The following ARMC2 variants were observed in gnomAD, a reference collection of about 807,000 sequenced individuals.
ARMC2 encodes armadillo repeat containing 2, also known as armadillo repeat-containing protein 2.
ARMC2 carries 67 observed loss-of-function variants against 90.3 expected under a neutral mutation model. The observed-to-expected ratio is 0.74, with a 90% confidence interval of 0.61 to 0.91. ARMC2 has a LOEUF of 0.91. ARMC2 is among the 40% of genes least tolerant of loss of function. ARMC2 has a pLI of 0.00. For synonymous variants in ARMC2, 393 were observed against 393.0 expected (o/e 1.00, Z 0.00); for missense variants, 920 against 1,030.9 (o/e 0.89, Z 1.47).
the ARMC2 span, chr6:109,002,488 C>A: frequency 1.6e-6 from 1 of 620,446 alleles, no homozygotes; most frequent in Non-Finnish European, 2.9e-6. Flanking sequence ...TACATACCAA[C>A]TCTTCTGTTA....
chr6:108,867,516 C>A (rs912660907), intron 3 of ARMC2, among the ~76,000 whole-genome samples: 1 of 152,174 alleles, frequency 6.6e-6, no homozygotes, highest in South Asian at 2.1e-4. Flanking sequence ...GCTGTAATCC[C>A]AGCACTTTGG....
the ARMC2 span, among the ~76,000 whole-genome samples, chr6:109,041,296 T>A: frequency 2.6e-5 from 4 of 151,954 alleles, no homozygotes; most frequent in African/African-American, 9.7e-5. Flanking sequence ...AGTGAGACTC[T>A]GTCTCAAAAA....
the ARMC2 span, among the ~76,000 whole-genome samples, chr6:108,991,200 C>A: frequency 6.6e-6 from 1 of 151,936 alleles, no homozygotes; most frequent in Non-Finnish European, 1.5e-5. Flanking sequence ...TCCATTGCTG[C>A]AGCCATTCAA....
Position 108,877,586 on chromosome 6 carries a change from G to A in ARMC2, c.671+1236G>A, listed in dbSNP as rs570312600. ...TCCAGTTGGTGAATAAGAATAGGCT[G>A]TGGACCTCAGAGCTTAAACATAAAA... On this transcript the variant is annotated intron_variant, in intron 5 of 17. Coordinates refer to ENST00000392644, the MANE Select transcript of ARMC2 (RefSeq NM_032131.6). Among the ~76,000 whole-genome samples, 3 of 152,318 alleles carry A rather than the reference G, an allele frequency of 2.0e-5. No homozygotes were observed. In the South Asian group the frequency reaches 6.2e-4, roughly 32 times the overall value.
At chr6:109,032,981 T>C in the ARMC2 span, among the ~76,000 whole-genome samples, 3 of 152,168 alleles carry the variant, frequency 2.0e-5, no homozygotes, top group Non-Finnish European at 4.4e-5. Flanking sequence ...AGATGAATCA[T>C]AATTCCAGCC....
the ARMC2 span, among the ~76,000 whole-genome samples, chr6:109,041,685 C>G: frequency 9.9e-5 from 15 of 151,432 alleles, no homozygotes; most frequent in African/African-American, 2.7e-4. Context: ...CCAAACAGAG[C>G]TGTAAAATAT....
At chr6:108,931,483 A>G (rs978390314) in intron 11 of ARMC2, among the ~76,000 whole-genome samples, 1 of 151,956 alleles carries the variant, frequency 6.6e-6, no homozygotes, top group African/African-American at 2.4e-5. Context: ...CTTTTAGCTC[A>G]TTGTGGAATC....
intron 3 of ARMC2, among the ~76,000 whole-genome samples, chr6:108,862,363 A>AAAAAAAC (rs1562325611): frequency 2.7e-5 from 4 of 149,228 alleles, no homozygotes; most frequent in African/African-American, 1.0e-4. Context: ...AAAAAACAAA[A>AAAAAAAC]AAAACAAACA....
At chr6:108,914,176 GTGTA>G (rs1341134659) in intron 10 of ARMC2, among the ~76,000 whole-genome samples, 1 of 152,108 alleles carries the variant, frequency 6.6e-6, no homozygotes, top group Non-Finnish European at 1.5e-5. Flanking sequence ...GTGTATGTGT[GTGTA>G]TGTGTGTGCA....
chr6:108,874,297 G>A lies in ARMC2; in HGVS notation c.464-1846G>A, dbSNP rs545767071. Reference sequence around the variant, plus strand: ...TAGGTATGGTTGGGTTTCCCTTCTAGAAGCTCCATGATGGCTGGGACTTGT... The same window carrying A: ...TAGGTATGGTTGGGTTTCCCTTCTAAAAGCTCCATGATGGCTGGGACTTGT... On this transcript the variant is annotated intron_variant, in intron 4 of 17. Transcript: ENST00000392644. 2.1e-3 allele frequency among the ~76,000 whole-genome samples: 321 copies of A among 152,320 alleles called. 1 individual carries two copies. Among genetic ancestry groups the A allele is most frequent in the Non-Finnish European group, 3.6e-3 (248 of 68,024 alleles).
intron 11 of ARMC2, among the ~76,000 whole-genome samples, chr6:108,933,304 C>T (rs572652219): frequency 6.6e-6 from 1 of 152,200 alleles, no homozygotes; most frequent in East Asian, 1.9e-4. Flanking sequence ...GCTGTATTCT[C>T]AGGTATCTTA....
intron 4 of ARMC2, among the ~76,000 whole-genome samples, chr6:108,872,241 T>G (rs1361527917): frequency 6.6e-6 from 1 of 152,210 alleles, no homozygotes; most frequent in Admixed American, 6.5e-5. Flanking sequence ...AAGAGATTTG[T>G]GTAGTCATCT....
rs772438381 is a variant in ARMC2, at chr6:108,887,996, A to T, written c.672-6471A>T. Among the ~76,000 whole-genome samples the T allele has an allele frequency of 2.2e-4, 33 of 152,270 alleles. 1 individual carries two copies. The highest frequency in any genetic ancestry group is 4.4e-4 in the Non-Finnish European group (30 of 68,024). On this transcript the variant is annotated intron_variant, in intron 5 of 17. Coordinates refer to ENST00000392644, the MANE Select transcript of ARMC2 (RefSeq NM_032131.6). ...ATGCAGGAAAAGATTAGAGACACCCACCACTGTGACGTGACCACCAAACCG... is the reference window on the plus strand; with the variant it reads ...ATGCAGGAAAAGATTAGAGACACCCTCCACTGTGACGTGACCACCAAACCG...
At chr6:108,869,088 T>A in intron 4 of ARMC2, 93 bp downstream of exon 4, 1 of 1,332,192 alleles carries the variant, frequency 7.5e-7, no homozygotes, top group Non-Finnish European at 1.0e-6. Flanking sequence ...TTCCTAACCC[T>A]GGATGATTTT....
intron 12 of ARMC2, among the ~76,000 whole-genome samples, chr6:108,947,508 A>G (rs1776885022): frequency 6.6e-6 from 1 of 152,182 alleles, no homozygotes; most frequent in Non-Finnish European, 1.5e-5. Flanking sequence ...CAATGCTGCC[A>G]CCATTGGAAC....
intron 3 of ARMC2, among the ~76,000 whole-genome samples, chr6:108,859,565 A>G (rs1019453755): frequency 6.6e-6 from 1 of 152,156 alleles, no homozygotes; most frequent in African/African-American, 2.4e-5. Flanking sequence ...ATTTTTATCA[A>G]TCATGCTGGG....
chr6:108,987,394 T>C, the ARMC2 span: 1 of 532,104 alleles, frequency 1.9e-6, no homozygotes. Context: ...GCAGTGGTTT[T>C]CCACAGAAAA....
chr6:109,043,084 G>C, the ARMC2 span, among the ~76,000 whole-genome samples: 1 of 152,046 alleles, frequency 6.6e-6, no homozygotes, highest in East Asian at 1.9e-4. Flanking sequence ...GGCTAAGGAA[G>C]AAAAACCATA....
chr6:108,954,104 CTATCA>C (rs2128505853), intron 13 of ARMC2, among the ~76,000 whole-genome samples: 1 of 152,272 alleles, frequency 6.6e-6, no homozygotes, highest in East Asian at 1.9e-4. Context: ...GTCACCAATC[CTATCA>C]TATTAGGACC....
Sources: allele counts gnomAD v4.1 joint callset (sites outside exome capture counted in the v4.1 genomes callset), GRCh38; gene constraint gnomAD v4.1.1; transcripts MANE v1.5; gene names NCBI Gene and HGNC (gene_info 2026-07-23, HGNC 2026-07-21).